Variants in RANBP3L observed in about 807,000 individuals in gnomAD.
RANBP3L encodes RAN binding protein 3 like, also known as ran-binding protein 3-like.
RANBP3L carries 56 observed loss-of-function variants against 67.2 expected under a neutral mutation model. The observed-to-expected ratio is 0.83, with a 90% CI of 0.67 to 1.04. The LOEUF is 1.04. Ranked by LOEUF, RANBP3L falls within the 50% of genes least tolerant of loss-of-function variation. RANBP3L has a pLI of 0.00. For missense variants in RANBP3L, 496 were observed against 535.5 expected (o/e 0.93, Z 0.73); for synonymous variants, 164 against 181.4 (o/e 0.90, Z 0.77).
intron 7 of RANBP3L, among the ~76,000 whole-genome samples, chr5:36,261,655 A>G (rs1749396732): frequency 6.6e-6 from 1 of 152,228 alleles, no homozygotes; most frequent in Non-Finnish European, 1.5e-5. Context: ...TACTAATCAG[A>G]TAATTTATGT....
intron 1 of RANBP3L, among the ~76,000 whole-genome samples, chr5:36,278,996 G>A (rs901678376): frequency 2.6e-5 from 4 of 152,004 alleles, no homozygotes; most frequent in Non-Finnish European, 5.9e-5. Flanking sequence ...CAAAAACATT[G>A]GCCATAGCTC....
At chr5:36,268,192 C>A in intron 4 of RANBP3L, 2 of 1,528,758 alleles carry the variant, frequency 1.3e-6, no homozygotes, top group Non-Finnish European at 1.8e-6. Flanking sequence ...CTCTTTATTA[C>A]CTGGCCCAGA....
At chr5:36,265,822 AAAT>A (rs943509439) in intron 4 of RANBP3L, among the ~76,000 whole-genome samples, 1 of 151,884 alleles carries the variant, frequency 6.6e-6, no homozygotes, top group African/African-American at 2.4e-5. Flanking sequence ...AAAATACAAA[AAAT>A]AATGAGCCGG....
chr5:36,283,539 T>TAC (rs3086448), intron 1 of RANBP3L, among the ~76,000 whole-genome samples: 35,702 of 144,542 alleles, frequency 0.25, 4,313 homozygotes, highest in African/African-American at 0.31. Context: ...TATATAAAAA[T>TAC]ACACACACAC....
At chr5:36,265,129 A>ATG in intron 5 of RANBP3L, 31 bp from the exon 6 acceptor site, 1 of 1,370,940 alleles carries the variant, frequency 7.3e-7, no homozygotes, top group Non-Finnish European at 1.0e-6. Context: ...GGATAAATAT[A>ATG]TGTTTACTGA....
chr5:36,284,698 G>C (rs1443892745), intron 1 of RANBP3L, among the ~76,000 whole-genome samples: 1 of 152,172 alleles, frequency 6.6e-6, no homozygotes, highest in Non-Finnish European at 1.5e-5. Flanking sequence ...ATAGGGGCTA[G>C]GCAGTTATTT....
intron 1 of RANBP3L, among the ~76,000 whole-genome samples, chr5:36,288,933 T>C (rs1348703404): frequency 6.6e-6 from 1 of 152,172 alleles, no homozygotes; most frequent in Non-Finnish European, 1.5e-5. Flanking sequence ...AACAGATATG[T>C]TTAATATTGA....
chr5:36,290,224 C>CT (rs33974139), intron 1 of RANBP3L, among the ~76,000 whole-genome samples: 74,273 of 143,860 alleles, frequency 0.52, 20,556 homozygotes, highest in African/African-American at 0.72. Flanking sequence ...TCTGTCTCAC[C>CT]TTTTTTTTTT....
At chr5:36,273,225 G>A (rs1750347116) in intron 1 of RANBP3L, among the ~76,000 whole-genome samples, 1 of 152,180 alleles carries the variant, frequency 6.6e-6, no homozygotes, top group African/African-American at 2.4e-5. Context: ...GCTTAGGACA[G>A]TCATCCCTAA....
In RANBP3L at chr5:36,295,154, G is replaced by T. The variant is rs958146980; in HGVS notation, c.91+6172C>A. On this transcript the variant is annotated intron_variant, in intron 1 of 13. Transcript: ENST00000296604. Reference sequence around the variant, plus strand: ...TAGGATTTTATCCAGAAGTAAAATTGCAGGGTAACATAGTAATTCTATTTG... The same window carrying T: ...TAGGATTTTATCCAGAAGTAAAATTTCAGGGTAACATAGTAATTCTATTTG... Among the ~76,000 whole-genome samples, 4 of 151,932 alleles carry T rather than the reference G, an allele frequency of 2.6e-5. No homozygotes were observed. The South Asian group carries it at 8.3e-4, about 32-fold the overall frequency.
At chr5:36,300,934 A>G (rs16902943) in intron 1 of RANBP3L, among the ~76,000 whole-genome samples, 1,771 of 152,300 alleles carry the variant, frequency 0.012, 29 homozygotes, top group African/African-American at 0.039. Flanking sequence ...ACTTAGGCTT[A>G]AACAAAGTGA....
At chr5:36,283,669 C>T (rs768343842) in intron 1 of RANBP3L, among the ~76,000 whole-genome samples, 2 of 152,044 alleles carry the variant, frequency 1.3e-5, no homozygotes, top group Non-Finnish European at 2.9e-5. Flanking sequence ...CACAGACTTT[C>T]CTCTTTACTC....
At chr5:36,257,751 T>G (rs1749094733) in intron 8 of RANBP3L, among the ~76,000 whole-genome samples, 195 bp from the exon 9 acceptor site, 1 of 152,136 alleles carries the variant, frequency 6.6e-6, no homozygotes, top group Non-Finnish European at 1.5e-5. Context: ...GTTCTAATCC[T>G]CAGAAAACAT....
At chr5:36,276,869 G>A (rs992676576) in intron 1 of RANBP3L, among the ~76,000 whole-genome samples, 1 of 152,176 alleles carries the variant, frequency 6.6e-6, no homozygotes, top group African/African-American at 2.4e-5. Flanking sequence ...TGAGGGACAG[G>A]CAGCTTCTAG....
At chr5:36,260,375 A>G (rs909618670) in intron 8 of RANBP3L, among the ~76,000 whole-genome samples, 1 of 151,542 alleles carries the variant, frequency 6.6e-6, no homozygotes, top group Non-Finnish European at 1.5e-5. Flanking sequence ...AAAAAAAAAA[A>G]AAAAACCAAA....
intron 1 of RANBP3L, among the ~76,000 whole-genome samples, chr5:36,295,775 G>A (rs528931695): frequency 4.0e-5 from 6 of 150,672 alleles, no homozygotes; most frequent in Admixed American, 1.3e-4. Flanking sequence ...TTTCCTAGTG[G>A]ACTCTATTAG....
At position 36,247,318 on chromosome 5, in the gene RANBP3L, A is replaced by G. The variant is rs1166064766; in HGVS notation, c.*2336T>C. Among the ~76,000 whole-genome samples the G allele has an allele frequency of 1.3e-5, 2 of 152,218 alleles. No homozygotes were observed. Among genetic ancestry groups the G allele is most frequent in the African/African-American group, 4.8e-5 (2 of 41,462 alleles). On this transcript the variant is annotated 3_prime_UTR_variant, in exon 14 of 14. Transcript: ENST00000296604. ...AAATGGGTTGAAAGAGTTGTGAGCTAAATATCATGTTTCTGTTCTTCTTCT... is the reference window on the plus strand; with the variant it reads ...AAATGGGTTGAAAGAGTTGTGAGCTGAATATCATGTTTCTGTTCTTCTTCT...
At chr5:36,290,889 G>C (rs1231685836) in intron 1 of RANBP3L, among the ~76,000 whole-genome samples, 2 of 146,016 alleles carry the variant, frequency 1.4e-5, no homozygotes, top group Admixed American at 1.4e-4. Flanking sequence ...ATGCCACCAT[G>C]CCTGGCTAAT....
intron 1 of RANBP3L, among the ~76,000 whole-genome samples, chr5:36,291,033 C>G (rs896202570): frequency 9.2e-5 from 14 of 151,838 alleles, no homozygotes; most frequent in Non-Finnish European, 1.8e-4. Flanking sequence ...CGTGAGCCAC[C>G]ATGCCTGGCC....
Sources: gnomAD v4.1 joint callset for allele counts (sites outside exome capture counted in the v4.1 genomes callset) on GRCh38, gnomAD v4.1.1 for gene constraint, MANE v1.5 for transcripts, NCBI Gene and HGNC (gene_info 2026-07-23, HGNC 2026-07-21) for gene names.